Variants in KHDRBS2 observed in about 807,000 individuals in gnomAD.
The protein encoded by KHDRBS2 is KH domain-containing, RNA-binding, signal transduction-associated protein 2.
In KHDRBS2, 26 loss-of-function variants were observed where a neutral mutation model predicts 44.3. That is an observed-to-expected ratio of 0.59 (90% confidence interval 0.43 to 0.81). KHDRBS2 has a LOEUF of 0.81. Among genes scored for constraint, KHDRBS2 ranks in the 40% least tolerant of loss-of-function variants. The pLI, the probability that KHDRBS2 is intolerant of heterozygous loss-of-function variation, is 0.00. For synonymous variants in KHDRBS2, 194 were observed against 151.1 expected (o/e 1.28, Z -2.08); for missense variants, 476 against 433.1 (o/e 1.10, Z -0.88).
chr6:61,756,911 T>A lies in KHDRBS2; in HGVS notation c.811-24147A>T, dbSNP rs1778576322. Among the ~76,000 whole-genome samples the A allele has an allele frequency of 3.3e-5, 5 of 152,344 alleles. No homozygotes were observed. In the South Asian group the frequency reaches 1.0e-3, roughly 32 times the overall value. ...TTTCCTCAGGCAACAAATGATCTGCTTTGCTACTACAGATTAGTTTGATTT... is the reference window on the plus strand; with the variant it reads ...TTTCCTCAGGCAACAAATGATCTGCATTGCTACTACAGATTAGTTTGATTT... On this transcript the variant is annotated intron_variant, in intron 6 of 8. Coordinates refer to ENST00000281156, the MANE Select transcript of KHDRBS2 (RefSeq NM_152688.4).
chr6:61,713,330 T>C (rs1042604642), intron 7 of KHDRBS2, among the ~76,000 whole-genome samples: 1 of 151,696 alleles, frequency 6.6e-6, no homozygotes, highest in African/African-American at 2.4e-5. Context: ...TTTGAAATTC[T>C]AATTATAAAA....
chr6:61,753,466 T>C (rs928473434), intron 6 of KHDRBS2, among the ~76,000 whole-genome samples: 1 of 152,172 alleles, frequency 6.6e-6, no homozygotes, highest in East Asian at 1.9e-4. Context: ...AGTAACTGTT[T>C]AGTAGAATGA....
chr6:62,206,626 A>C (rs1828022111), intron 1 of KHDRBS2, among the ~76,000 whole-genome samples: 1 of 152,062 alleles, frequency 6.6e-6, no homozygotes, highest in African/African-American at 2.4e-5. Flanking sequence ...TAAGATTTTC[A>C]AGTCAGGAAT....
intron 6 of KHDRBS2, among the ~76,000 whole-genome samples, chr6:61,781,017 G>C (rs1255708444): frequency 6.6e-6 from 1 of 152,120 alleles, no homozygotes; most frequent in Non-Finnish European, 1.5e-5. Context: ...GTCTGATAAA[G>C]TTCTTAAAGT....
At chr6:61,849,854 C>T (rs1203226270) in intron 6 of KHDRBS2, among the ~76,000 whole-genome samples, 1 of 152,080 alleles carries the variant, frequency 6.6e-6, no homozygotes, top group Non-Finnish European at 1.5e-5. Context: ...CCCAGCTGTC[C>T]TGTGGATGAA....
chr6:61,793,907 A>G (rs1353927255), intron 6 of KHDRBS2, among the ~76,000 whole-genome samples: 1 of 152,132 alleles, frequency 6.6e-6, no homozygotes, highest in African/African-American at 2.4e-5. Flanking sequence ...TGTTAATGCC[A>G]TATATTATGA....
At chr6:61,817,560 T>C (rs1789180099) in intron 6 of KHDRBS2, among the ~76,000 whole-genome samples, 1 of 152,152 alleles carries the variant, frequency 6.6e-6, no homozygotes, top group Non-Finnish European at 1.5e-5. Context: ...TACAATGCTA[T>C]GTTTTACACA....
intron 4 of KHDRBS2, among the ~76,000 whole-genome samples, chr6:61,912,742 T>A (rs1806273511): frequency 6.6e-6 from 1 of 152,118 alleles, no homozygotes; most frequent in Admixed American, 6.6e-5. Context: ...CCATTTTCTG[T>A]CCTCTGCAAA....
chr6:62,170,332 C>T (rs1468344245), intron 2 of KHDRBS2, among the ~76,000 whole-genome samples: 4 of 152,026 alleles, frequency 2.6e-5, no homozygotes, highest in African/African-American at 9.7e-5. Flanking sequence ...ACTGCCGCTA[C>T]CTGAGAAAGC....
chr6:61,919,760 C>G (rs768967516), intron 4 of KHDRBS2, among the ~76,000 whole-genome samples: 2 of 151,916 alleles, frequency 1.3e-5, no homozygotes, highest in Non-Finnish European at 1.5e-5. Flanking sequence ...AACCATCACA[C>G]CTTTCAAATT....
chr6:62,258,225 C>T (rs1241201607), intron 1 of KHDRBS2, among the ~76,000 whole-genome samples: 2 of 151,988 alleles, frequency 1.3e-5, no homozygotes, highest in Non-Finnish European at 2.9e-5. Context: ...GATAAAGACG[C>T]ACTCTGCTAG....
chr6:62,205,385 G>A (rs1482862821), intron 1 of KHDRBS2, among the ~76,000 whole-genome samples: 8 of 152,060 alleles, frequency 5.3e-5, no homozygotes, highest in Non-Finnish European at 1.2e-4. Context: ...TTTGAATCTA[G>A]CCTTACTCAG....
intron 2 of KHDRBS2, among the ~76,000 whole-genome samples, chr6:62,065,581 A>T (rs2127335956): frequency 7.1e-6 from 1 of 141,312 alleles, no homozygotes; most frequent in East Asian, 2.2e-4. Flanking sequence ...GGAATTGAAC[A>T]ATGAGATCAC....
chr6:62,069,968 T>G lies in KHDRBS2; in HGVS notation c.220-21974A>C, dbSNP rs150062070. ...CCCTTTCTCTGGATAAGGTCATTCC[T>G]TTCTATTCCTAGGATTTTTAGTTTG... On this transcript the variant is annotated intron_variant, in intron 2 of 8. Transcript: ENST00000281156. 2.0e-5 allele frequency among the ~76,000 whole-genome samples: 3 copies of G among 151,858 alleles called. No homozygotes were observed. The East Asian group carries it at 5.9e-4, about 30-fold the overall frequency.
At chr6:62,009,497 A>G (rs1167763501) in intron 3 of KHDRBS2, among the ~76,000 whole-genome samples, 1 of 152,212 alleles carries the variant, frequency 6.6e-6, no homozygotes, top group East Asian at 1.9e-4. Context: ...TTGCATAAGT[A>G]ATGAGGAGCC....
chr6:61,920,683 T>C (rs1241769314), intron 4 of KHDRBS2, among the ~76,000 whole-genome samples: 2 of 151,902 alleles, frequency 1.3e-5, no homozygotes, highest in Admixed American at 1.3e-4. Flanking sequence ...TACAGGCAAA[T>C]AGTTGAGTCA....
intron 3 of KHDRBS2, among the ~76,000 whole-genome samples, chr6:61,996,921 T>A (rs1174058795): frequency 6.6e-6 from 1 of 151,924 alleles, no homozygotes; most frequent in Non-Finnish European, 1.5e-5. Context: ...TAGCTGTGAT[T>A]ACAAGTGCCT....
At chr6:61,718,954 T>C (rs1771898698) in intron 7 of KHDRBS2, among the ~76,000 whole-genome samples, 1 of 152,184 alleles carries the variant, frequency 6.6e-6, no homozygotes, top group Admixed American at 6.6e-5. Flanking sequence ...GTTTTCATTC[T>C]AGAACACTTT....
intron 3 of KHDRBS2, among the ~76,000 whole-genome samples, chr6:62,038,125 A>C (rs1785683196): frequency 6.6e-6 from 1 of 151,970 alleles, no homozygotes; most frequent in Non-Finnish European, 1.5e-5. Flanking sequence ...AAGTGCATAA[A>C]ACACTGTCCT....
Sources: gnomAD v4.1 joint callset for allele counts (sites outside exome capture counted in the v4.1 genomes callset) on GRCh38, gnomAD v4.1.1 for gene constraint, MANE v1.5 for transcripts, NCBI Gene and HGNC (gene_info 2026-07-23, HGNC 2026-07-21) for gene names.